CRYBA4: variants seen among roughly 807,000 people sequenced by gnomAD.
CRYBA4 encodes the protein crystallin beta A4.
CRYBA4 carries 30 observed loss-of-function variants against 31.7 expected under a neutral mutation model. That is an observed-to-expected ratio of 0.95 (90% CI 0.71 to 1.28). The LOEUF is 1.28. Among genes scored for constraint, CRYBA4 ranks in the 50% most tolerant of loss-of-function variants. The pLI is 0.00. For missense variants in CRYBA4, 225 were observed against 260.7 expected, an observed-to-expected ratio of 0.86 and a Z score of 0.94; for synonymous variants, 102 against 102.3, an observed-to-expected ratio of 1.00 and a Z score of 0.02.
chr22:26,599,538 C>A, the CRYBA4 span: 2 of 1,613,986 alleles, frequency 1.2e-6, no homozygotes, highest in Non-Finnish European at 1.7e-6. Context: ...CCTCGAGGTG[C>A]CACTGCTTGT....
At chr22:26,597,453 A>G in the CRYBA4 span, among the ~76,000 whole-genome samples, 1 of 152,208 alleles carries the variant, frequency 6.6e-6, no homozygotes, top group Non-Finnish European at 1.5e-5. Flanking sequence ...AGGAAGAGAC[A>G]TCTTTTTATC....
rs2145980876 is a variant in CRYBA4 at position 26,625,622 on chromosome 22, T to C, written c.300T>C (p.Ala100=). Residue 100 remains alanine, a splice_region_variant and synonymous_variant, in exon 4 of 6, where the codon GCT becomes GCC. Transcript: ENST00000354760. Reference sequence around the variant, plus strand: ...CCTCCTTCCGGCCTGCGGCCTGTGCTGTAAGTTCTACCACTGCTGCATCCC... The same window carrying C: ...CCTCCTTCCGGCCTGCGGCCTGTGCCGTAAGTTCTACCACTGCTGCATCCC... The part of the protein sequence containing the change: ...RLTSFRPAAC[A]NHRDSRLTIF... 6.2e-7 allele frequency: 1 copy of C among 1,613,752 alleles called. No individual in the cohort carries two copies. Among genetic ancestry groups the C allele is most frequent in the Non-Finnish European group, 8.5e-7 (1 of 1,179,914 alleles).
chr22:26,625,180 GCTGGGTT>G (rs1395742941), intron 3 of CRYBA4, among the ~76,000 whole-genome samples: 1 of 152,202 alleles, frequency 6.6e-6, no homozygotes, highest in African/African-American at 2.4e-5. Context: ...GAGGTCTAGA[GCTGGGTT>G]CCTCAACTCT....
the CRYBA4 span, among the ~76,000 whole-genome samples, chr22:26,615,322 C>A: frequency 6.6e-6 from 1 of 152,174 alleles, no homozygotes; most frequent in African/African-American, 2.4e-5. Flanking sequence ...CAGTGAGCCT[C>A]CAAGGACAGC....
chr22:26,614,626 G>C, the CRYBA4 span, among the ~76,000 whole-genome samples: 1 of 152,092 alleles, frequency 6.6e-6, no homozygotes, highest in African/African-American at 2.4e-5. Flanking sequence ...ATGGATATTA[G>C]GGATCTCATA....
the CRYBA4 span, chr22:26,607,880 G>A: frequency 3.7e-6 from 6 of 1,613,986 alleles, no homozygotes; most frequent in South Asian, 4.4e-5. Flanking sequence ...CAGCCGGAGA[G>A]CCACTCACCA....
chr22:26,627,621 C>T (rs902560044), intron 4 of CRYBA4, among the ~76,000 whole-genome samples: 69 of 98,356 alleles, frequency 7.0e-4, no homozygotes, highest in Admixed American at 5.7e-4. Flanking sequence ...TCTCTCTCTC[C>T]TTCCTTCCTT....
chr22:26,593,119 T>C, the CRYBA4 span, among the ~76,000 whole-genome samples: 1 of 152,236 alleles, frequency 6.6e-6, no homozygotes, highest in South Asian at 2.1e-4. Flanking sequence ...TCATTCCTCC[T>C]GTCTGCATCT....
chr22:26,628,884 C>T (rs1929832047), intron 5 of CRYBA4, among the ~76,000 whole-genome samples: 1 of 152,184 alleles, frequency 6.6e-6, no homozygotes, highest in Non-Finnish European at 1.5e-5. Context: ...GGGTCCTGTG[C>T]TCAACTCTGA....
chr22:26,614,268 C>T, the CRYBA4 span, among the ~76,000 whole-genome samples: 1 of 152,204 alleles, frequency 6.6e-6, no homozygotes, highest in Non-Finnish European at 1.5e-5. Flanking sequence ...CCTTTTGAAA[C>T]TCCCTAATAA....
At chr22:26,599,728 C>T in the CRYBA4 span, 1 of 1,423,704 alleles carries the variant, frequency 7.0e-7, no homozygotes. Flanking sequence ...TTGCCTGGCA[C>T]CCAGACCCCT....
rs140518888 is a variant in CRYBA4, at chr22:26,623,254, C to T, written c.60C>T (p.Asp20=). ...CACAGATGGTGGTGTGGGATGAGGA[C>T]GGCTTCCAGGGCCGGCGGCACGAGT... ...GPWKMVVWDE[D]GFQGRRHEFT... is the part of the protein sequence containing the mutation. The change falls in exon 3 of 6, where the codon GAC becomes GAT. Residue 20 remains aspartate (D), a synonymous_variant. Coordinates refer to ENST00000354760, the MANE Select transcript of CRYBA4 (RefSeq NM_001886.3). 7.4e-5 allele frequency: 119 copies of T among 1,613,516 alleles called. No individual in the cohort carries two copies. The highest frequency in any genetic ancestry group is 3.3e-4 in the Middle Eastern group (2 of 6,062).
At chr22:26,593,376 TC>T in the CRYBA4 span, among the ~76,000 whole-genome samples, 2 of 152,118 alleles carry the variant, frequency 1.3e-5, no homozygotes, top group Non-Finnish European at 2.9e-5. Flanking sequence ...AATGGCTCAC[TC>T]CTGTAATTCC....
rs768431861 is a variant in CRYBA4, at chr22:26,623,322, C to T, written c.128C>T (p.Thr43Ile). The T allele has an allele frequency of 1.2e-6, 2 of 1,614,076 alleles. No individual in the cohort carries two copies. The highest frequency in any genetic ancestry group is 2.2e-5 in the East Asian group (1 of 44,882). ...CPSVLELGFE[T>I]VRSLKVLSGA... ...AGCGTGCTGGAGCTTGGCTTCGAGA[C>T]TGTGCGATCTTTGAAAGTGCTGAGT... Residue 43 changes from threonine to isoleucine, a missense_variant, in exon 3 of 6, where the codon ACT becomes ATT. Coordinates refer to ENST00000354760, the MANE Select transcript of CRYBA4 (RefSeq NM_001886.3).
chr22:26,607,932 C>G, the CRYBA4 span: 3 of 1,614,236 alleles, frequency 1.9e-6, no homozygotes, highest in Middle Eastern at 1.6e-4. Flanking sequence ...ACTGCGGTAG[C>G]TGCTCGACCA....
the CRYBA4 span, among the ~76,000 whole-genome samples, chr22:26,606,764 T>C: frequency 5.9e-5 from 9 of 152,164 alleles, no homozygotes; most frequent in African/African-American, 2.2e-4. Context: ...TTCATGAAAA[T>C]TCTTATAAAT....
chr22:26,592,300 T>G, the CRYBA4 span, among the ~76,000 whole-genome samples: 3 of 152,234 alleles, frequency 2.0e-5, no homozygotes, highest in South Asian at 2.1e-4. Context: ...TCCTGAGCTC[T>G]CTATGCTAGG....
At chr22:26,598,681 G>A in the CRYBA4 span, among the ~76,000 whole-genome samples, 1 of 152,326 alleles carries the variant, frequency 6.6e-6, no homozygotes. Context: ...ACCACGCCCA[G>A]CCTGTGTGAT....
the CRYBA4 span, among the ~76,000 whole-genome samples, chr22:26,593,052 G>C: frequency 2.0e-5 from 3 of 152,250 alleles, no homozygotes; most frequent in African/African-American, 7.2e-5. Flanking sequence ...TGGTGGACCA[G>C]ACACCAGACT....
Sources: allele counts gnomAD v4.1 joint callset (sites outside exome capture counted in the v4.1 genomes callset), GRCh38; gene constraint gnomAD v4.1.1; transcripts MANE v1.5; gene names NCBI Gene and HGNC (gene_info 2026-07-23, HGNC 2026-07-21).